PCSK5: variants seen among roughly 807,000 people sequenced by gnomAD.
PCSK5 encodes prohormone convertase 5.
PCSK5 carries 129 observed loss-of-function variants against 233.2 expected under a neutral mutation model. That is an observed-to-expected ratio of 0.55 (90% CI 0.48 to 0.64). The LOEUF is 0.64. Ranked by LOEUF, PCSK5 falls within the 30% of genes least tolerant of loss-of-function variation. The pLI, the probability that PCSK5 is intolerant of heterozygous loss-of-function variation, is 0.00. For synonymous variants in PCSK5, 825 were observed against 879.2 expected, an observed-to-expected ratio of 0.94 and a Z score of 1.09; for missense variants, 2,076 against 2,430.1, an observed-to-expected ratio of 0.85 and a Z score of 3.06.
intron 16 of PCSK5, 85 bp downstream of exon 16, chr9:76,181,676 G>C: frequency 1.2e-6 from 1 of 855,330 alleles, no homozygotes; most frequent in South Asian, 1.8e-5. Flanking sequence ...GCCTCTTTGT[G>C]AAATCTGGAA....
intron 1 of PCSK5, among the ~76,000 whole-genome samples, chr9:75,915,246 C>T (rs1453964315): frequency 6.6e-6 from 1 of 152,134 alleles, no homozygotes; most frequent in African/African-American, 2.4e-5. Context: ...CTGATCCTGA[C>T]TGTATTATAT....
rs112562987 is a variant in PCSK5, at chr9:76,101,739, G to A, written c.1108-5512G>A. Among the ~76,000 whole-genome samples the A allele has an allele frequency of 1.6e-3, 246 of 152,294 alleles. 2 individuals are homozygous for A. The highest frequency in any genetic ancestry group is 5.5e-3 in the African/African-American group (227 of 41,564). On this transcript the variant is annotated intron_variant, in intron 8 of 37. Transcript: ENST00000674117. The stretch of plus-strand genomic sequence containing the variant: ...TATTTGTGTTCAAAACAAAGTTGCT[G>A]CCTGGGGTATCTCAGAGTTGGCCTG...
intron 1 of PCSK5, among the ~76,000 whole-genome samples, chr9:75,931,093 C>A (rs1823770238): frequency 6.6e-6 from 1 of 152,110 alleles, no homozygotes; most frequent in African/African-American, 2.4e-5. Flanking sequence ...TGTTTCAAAT[C>A]TTAATGATGA....
Position 76,350,809 on chromosome 9 carries a change from A to T in PCSK5, c.4967-19A>T. 2 of 1,433,884 alleles carry T rather than the reference A, an allele frequency of 1.4e-6. No homozygotes were observed. The highest frequency in any genetic ancestry group is 2.3e-5 in the East Asian group (1 of 43,950). 88.8% of individuals were successfully genotyped at this position (1,433,884 alleles called of 1,614,324 possible). ...AAATCTAAGGTCAATCTCATAACTT[A>T]GAATGTTTTCTCTTTCAGGAAAAGG... On this transcript the variant is annotated intron_variant, in intron 35 of 37. Coordinates refer to ENST00000674117, the MANE Select transcript of PCSK5 (RefSeq NM_001372043.1).
rs746162382 is a variant in PCSK5 at position 76,175,072 on chromosome 9, T to C, written c.1843T>C (p.Phe615Leu). 6.2e-6 allele frequency: 10 copies of C among 1,614,088 alleles called. No individual in the cohort carries two copies. The highest frequency in any genetic ancestry group is 8.5e-6 in the Non-Finnish European group (10 of 1,180,022). Residue 615 changes from phenylalanine (F) to leucine (L), a missense_variant, in exon 14 of 38, where the codon TTC becomes CTC. Physicochemically the swap from Phe to Leu is conservative, Grantham distance 22. Around this residue, in one of 6 missense-constraint regions of PCSK5, gnomAD observed 84 missense variants for 108.8 expected, o/e 0.77. Transcript: ENST00000674117. The stretch of plus-strand genomic sequence containing the variant: ...CAATGAATTTCCGAAAGTGGAACGG[T>C]TCCGCTATAGCCGAGTTGAAGACCC... The part of the protein sequence containing the change: ...PTNEFPKVER[F>L]RYSRVEDPTD...
intron 2 of PCSK5, among the ~76,000 whole-genome samples, chr9:75,966,073 C>T (rs1478975084): frequency 1.3e-5 from 2 of 152,134 alleles, no homozygotes; most frequent in East Asian, 3.9e-4. Context: ...GGGTGTGTTG[C>T]CCTTAGATGC....
intron 27 of PCSK5, among the ~76,000 whole-genome samples, chr9:76,300,913 G>A (rs1309092712): frequency 2.0e-5 from 3 of 152,206 alleles, no homozygotes; most frequent in Non-Finnish European, 4.4e-5. Flanking sequence ...TATTTGACTC[G>A]GTCCAGTTTT....
intron 2 of PCSK5, among the ~76,000 whole-genome samples, chr9:75,954,832 G>A (rs532726374): frequency 1.3e-4 from 20 of 152,330 alleles, no homozygotes; most frequent in African/African-American, 4.6e-4. Flanking sequence ...TTGCCAAGGA[G>A]AAAGGAAAAT....
At chr9:76,147,188 G>C (rs1823474726) in intron 10 of PCSK5, among the ~76,000 whole-genome samples, 1 of 152,172 alleles carries the variant, frequency 6.6e-6, no homozygotes, top group Admixed American at 6.6e-5. Flanking sequence ...ATTCAAAGAA[G>C]GAAGTATCTA....
At chr9:76,315,047 G>A (rs1398291971) in intron 30 of PCSK5, among the ~76,000 whole-genome samples, 3 of 151,922 alleles carry the variant, frequency 2.0e-5, no homozygotes, top group African/African-American at 7.3e-5. Flanking sequence ...CTACCTCCCA[G>A]GTTGAAGCAA....
intron 10 of PCSK5, among the ~76,000 whole-genome samples, chr9:76,141,122 A>T (rs570955483): frequency 3.9e-5 from 6 of 152,152 alleles, no homozygotes; most frequent in Non-Finnish European, 4.4e-5. Flanking sequence ...GCTTGTGATT[A>T]TAGAGGATGT....
chr9:76,351,525 A>AAAGAAAGG, intron 36 of PCSK5, among the ~76,000 whole-genome samples: 1 of 123,562 alleles, frequency 8.1e-6, no homozygotes, highest in South Asian at 2.9e-4. Context: ...AGAAAGAAAG[A>AAAGAAAGG]AAGAAAGGAA....
intron 3 of PCSK5, among the ~76,000 whole-genome samples, chr9:75,999,581 C>T (rs1372613703): frequency 6.6e-6 from 1 of 152,252 alleles, no homozygotes; most frequent in South Asian, 2.1e-4. Context: ...ACAGATCACT[C>T]ATGCCATTGT....
At chr9:76,034,366 C>T (rs955449775) in intron 5 of PCSK5, among the ~76,000 whole-genome samples, 3 of 152,158 alleles carry the variant, frequency 2.0e-5, no homozygotes, top group African/African-American at 7.2e-5. Context: ...TTCCCCTATC[C>T]TGCTCCCTGA....
chr9:76,053,032 G>C (rs1205695546), intron 5 of PCSK5, among the ~76,000 whole-genome samples: 1 of 152,232 alleles, frequency 6.6e-6, no homozygotes, highest in Non-Finnish European at 1.5e-5. Flanking sequence ...GGGCTCCCAT[G>C]GCATTGGACA....
At chr9:76,211,664 C>T (rs1825332195) in intron 20 of PCSK5, among the ~76,000 whole-genome samples, 1 of 152,184 alleles carries the variant, frequency 6.6e-6, no homozygotes, top group Non-Finnish European at 1.5e-5. Flanking sequence ...ACATCGACAA[C>T]ATAGGGAAAT....
intron 27 of PCSK5, 144 bp from the exon 28 acceptor site, chr9:76,301,993 C>G: frequency 2.7e-6 from 1 of 367,022 alleles, no homozygotes; most frequent in Non-Finnish European, 5.2e-6. Context: ...ATTATACTCA[C>G]ACACTCAATA....
intron 9 of PCSK5, among the ~76,000 whole-genome samples, chr9:76,109,728 A>C (rs1213138300): frequency 1.2e-4 from 18 of 152,204 alleles, no homozygotes; most frequent in Non-Finnish European, 2.6e-4. Context: ...ATGGATGATG[A>C]ACTATCTGAT....
chr9:76,198,647 G>T lies in PCSK5; in HGVS notation c.2626+8901G>T, dbSNP rs536286796. Among the ~76,000 whole-genome samples the T allele has an allele frequency of 1.1e-4, 16 of 152,296 alleles. No homozygotes were observed. The South Asian group carries it at 3.3e-3, about 32-fold the overall frequency. ...GCCTTTTCTCAAGTGAAGATAGAAA[G>T]CACACTGTGTGCCTGGGCTTGACTT... On this transcript the variant is annotated intron_variant, in intron 20 of 37. Transcript: ENST00000674117.
Sources: allele counts gnomAD v4.1 joint callset (sites outside exome capture counted in the v4.1 genomes callset), GRCh38; gene constraint gnomAD v4.1.1; regional missense constraint gnomAD v4.1.1; transcripts MANE v1.5; gene names NCBI Gene and HGNC (gene_info 2026-07-23, HGNC 2026-07-21).